MPPED2: variants seen among roughly 807,000 people sequenced by gnomAD.
MPPED2 encodes the protein metallophosphoesterase domain containing 2, also known as metallophosphoesterase MPPED2.
Under a neutral mutation model 33.0 loss-of-function variants are expected in MPPED2, and 5 were observed. That is an observed-to-expected ratio of 0.15 (90% CI 0.08 to 0.32). The LOEUF (loss-of-function observed/expected upper bound fraction) is 0.32. Ranked by LOEUF, MPPED2 falls within the 10% of genes least tolerant of loss-of-function variation. The pLI, the probability that MPPED2 is intolerant of heterozygous loss-of-function variation, is 1.00. For missense variants in MPPED2, 275 were observed against 372.1 expected, an observed-to-expected ratio of 0.74 and a Z score of 2.15; for synonymous variants, 136 against 141.9, an observed-to-expected ratio of 0.96 and a Z score of 0.29.
chr11:30,513,968 G>A (rs1445670591), intron 3 of MPPED2, among the ~76,000 whole-genome samples: 1 of 152,064 alleles, frequency 6.6e-6, no homozygotes, highest in African/African-American at 2.4e-5. Flanking sequence ...CTCCATTCTA[G>A]GAAGACCATA....
chr11:30,580,610 T>C, intron 1 of MPPED2, 116 bp from the exon 2 acceptor site: 2 of 1,014,510 alleles, frequency 2.0e-6, no homozygotes, highest in South Asian at 4.6e-5. Context: ...GAATATGTGT[T>C]GTTGGCTCAT....
chr11:30,479,127 AC>A (rs1424576059), intron 4 of MPPED2, among the ~76,000 whole-genome samples: 2 of 152,042 alleles, frequency 1.3e-5, no homozygotes, highest in African/African-American at 4.8e-5. Flanking sequence ...TGAATGGAAC[AC>A]CAGGGAATAT....
At chr11:30,384,474 C>CTTTTTTTTTTTTTTTTTTTTTTATT (rs200252636), downstream of MPPED2, 1 of 131,338 alleles carries the variant, frequency 7.6e-6, no homozygotes, top group Non-Finnish European at 1.6e-5. Context: ...TTTCTTTTTT[C>CTTTTTTTTTTTTTTTTTTTTTTATT]TTTTTTTTTT....
intron 2 of MPPED2, among the ~76,000 whole-genome samples, chr11:30,554,284 G>T (rs1449206729): frequency 1.3e-5 from 2 of 152,136 alleles, no homozygotes; most frequent in Non-Finnish European, 2.9e-5. Flanking sequence ...AAGTCATTCT[G>T]CTTGTCTGCC....
intron 3 of MPPED2, among the ~76,000 whole-genome samples, chr11:30,508,625 A>G (rs1032204530): frequency 6.6e-6 from 1 of 152,126 alleles, no homozygotes; most frequent in Non-Finnish European, 1.5e-5. Context: ...TCCTTCCTAC[A>G]CTAAAGCTGG....
intron 4 of MPPED2, among the ~76,000 whole-genome samples, chr11:30,428,237 C>T (rs1948928920): frequency 6.6e-6 from 1 of 152,210 alleles, no homozygotes; most frequent in East Asian, 1.9e-4. Flanking sequence ...ATATATCTCT[C>T]ATCTGACTGA....
chr11:30,415,755 T>C (rs945940809), intron 5 of MPPED2, among the ~76,000 whole-genome samples: 1 of 152,242 alleles, frequency 6.6e-6, no homozygotes, highest in Non-Finnish European at 1.5e-5. Flanking sequence ...TCTGAAATCC[T>C]TGGAGTCTAC....
In MPPED2 at chr11:30,414,269, C is replaced by T. The variant is rs1948242920; in HGVS notation, c.725G>A (p.Arg242Gln). 1.2e-6 allele frequency: 2 copies of T among 1,613,854 alleles called. No individual in the cohort carries two copies. The highest frequency in any genetic ancestry group is 1.3e-5 in the African/African-American group (1 of 74,894). The change falls in exon 6 of 7, where the codon CGA becomes CAA. Residue 242 changes from arginine to glutamine, a missense_variant. By Grantham distance (43) the Arg-to-Gln change is conservative. Coordinates refer to ENST00000358117, the MANE Select transcript of MPPED2 (RefSeq NM_001584.3). ...AAACACATGGAGCTTGGGCCGGACT[C>T]GCCTCTGAACCGTGTTTAACAGCTC... ...CVELLNTVQRRVRPKLHVFGG... is the reference protein window; with the variant it reads ...CVELLNTVQRQVRPKLHVFGG...
chr11:30,445,136 GA>G (rs907914443), intron 4 of MPPED2, among the ~76,000 whole-genome samples: 21 of 150,766 alleles, frequency 1.4e-4, no homozygotes, highest in Admixed American at 4.0e-4. Context: ...CTGTGACAAA[GA>G]AAAAAAAATA....
chr11:30,408,653 A>G, downstream of MPPED2, among the ~76,000 whole-genome samples: 1 of 152,182 alleles, frequency 6.6e-6, no homozygotes, highest in Admixed American at 6.5e-5. Flanking sequence ...TCCAGTCCAG[A>G]CAAAGAATGA....
chr11:30,555,757 G>A (rs570837262), intron 2 of MPPED2, among the ~76,000 whole-genome samples: 9 of 151,948 alleles, frequency 5.9e-5, no homozygotes, highest in Admixed American at 2.0e-4. Flanking sequence ...GATAAATTAC[G>A]CAGTCTCAGG....
rs143720639 is a variant in MPPED2, at chr11:30,530,933, C to A, written c.310+5061G>T. Among the ~76,000 whole-genome samples, 12 of 152,274 alleles carry A rather than the reference C, an allele frequency of 7.9e-5. No homozygotes were observed. In the East Asian group the frequency reaches 2.3e-3, roughly 29 times the overall value. ...CCTTTAGAGAATGTGGTATTAGAAGCCACTGATGTTCAAGGCAATAAAAAT... is the reference window on the plus strand; with the variant it reads ...CCTTTAGAGAATGTGGTATTAGAAGACACTGATGTTCAAGGCAATAAAAAT... On this transcript the variant is annotated intron_variant, in intron 3 of 6. Coordinates refer to ENST00000358117, the MANE Select transcript of MPPED2 (RefSeq NM_001584.3).
intron 3 of MPPED2, among the ~76,000 whole-genome samples, chr11:30,511,058 G>A (rs948295335): frequency 6.6e-6 from 1 of 152,116 alleles, no homozygotes; most frequent in Non-Finnish European, 1.5e-5. Context: ...GTCTTGCAAA[G>A]TCAGGTCTCA....
At chr11:30,546,750 C>A (rs1955445452) in intron 2 of MPPED2, among the ~76,000 whole-genome samples, 1 of 152,100 alleles carries the variant, frequency 6.6e-6, no homozygotes, top group Non-Finnish European at 1.5e-5. Context: ...ACATAGGGGA[C>A]ATCATTTATG....
chr11:30,413,150 A>C (rs1233699489), intron 6 of MPPED2, among the ~76,000 whole-genome samples: 1 of 152,216 alleles, frequency 6.6e-6, no homozygotes, highest in Non-Finnish European at 1.5e-5. Context: ...CTCTGGCCTC[A>C]GTAGGATGAT....
chr11:30,434,843 A>C (rs11031084), intron 4 of MPPED2, among the ~76,000 whole-genome samples: 36,662 of 151,960 alleles, frequency 0.24, 5,246 homozygotes, highest in Non-Finnish European at 0.33. Context: ...GGAAGATATA[A>C]AGTGCTAATT....
intron 3 of MPPED2, among the ~76,000 whole-genome samples, chr11:30,496,513 C>A (rs1299893924): frequency 6.6e-6 from 1 of 152,116 alleles, no homozygotes; most frequent in Non-Finnish European, 1.5e-5. Context: ...AAGAGTGGGA[C>A]AATGGCACCT....
chr11:30,414,744 A>G (rs1304427148), intron 5 of MPPED2, among the ~76,000 whole-genome samples: 2 of 152,126 alleles, frequency 1.3e-5, no homozygotes, highest in African/African-American at 4.8e-5. Context: ...AAGATGATTC[A>G]AAGAAGGACT....
In MPPED2 at chr11:30,481,500, G is replaced by A. The variant is rs1023716558; in HGVS notation, c.536+13796C>T. ...GCTCTTGAACAAAAGCATCCAAGTC[G>A]ACCTGTTTTGCAGACTGATTAATAG... On this transcript the variant is annotated intron_variant, in intron 4 of 6. Transcript: ENST00000358117. 4.4e-4 allele frequency among the ~76,000 whole-genome samples: 67 copies of A among 152,086 alleles called. 1 individual carries two copies. The highest frequency in any genetic ancestry group is 1.1e-3 in the African/African-American group (44 of 41,400).
Sources: gnomAD v4.1 joint callset for allele counts (sites outside exome capture counted in the v4.1 genomes callset) on GRCh38, gnomAD v4.1.1 for gene constraint, MANE v1.5 for transcripts, NCBI Gene and HGNC (gene_info 2026-07-23, HGNC 2026-07-21) for gene names.